The following KATNIP variants were observed in gnomAD, a reference collection of about 807,000 sequenced individuals.
The protein encoded by KATNIP is katanin interacting protein.
In KATNIP, 126 loss-of-function variants were observed where a neutral mutation model predicts 174.0. The ratio of observed to expected loss-of-function variants is 0.72; its 90% CI spans 0.63 to 0.84. The LOEUF (loss-of-function observed/expected upper bound fraction) is 0.84. Among genes scored for constraint, KATNIP ranks in the 40% least tolerant of loss-of-function variants. The pLI is 0.00. For synonymous variants in KATNIP, 810 were observed against 835.7 expected, an observed-to-expected ratio of 0.97 and a Z score of 0.53; for missense variants, 1,958 against 2,109.7, an observed-to-expected ratio of 0.93 and a Z score of 1.41.
At chr16:27,739,980 A>G (rs1209095503) in intron 14 of KATNIP, 61 bp from the exon 15 acceptor site, 1 of 1,528,760 alleles carries the variant, frequency 6.5e-7, no homozygotes, top group Non-Finnish European at 8.8e-7. Flanking sequence ...TTCGACTTCC[A>G]AAATTTCATA....
intron 8 of KATNIP, among the ~76,000 whole-genome samples, chr16:27,685,110 G>A (rs183941619): frequency 4.2e-4 from 64 of 152,298 alleles, no homozygotes; most frequent in Admixed American, 9.2e-4. Context: ...GAGGAGGCCA[G>A]GCGCAGTGGG....
At chr16:27,681,683 A>G (rs1304738323) in intron 8 of KATNIP, among the ~76,000 whole-genome samples, 153 bp downstream of exon 8, 1 of 152,266 alleles carries the variant, frequency 6.6e-6, no homozygotes, top group East Asian at 1.9e-4. Context: ...GCAGAGGAAC[A>G]GAATGAAAAG....
chr16:27,641,433 TGGG>T (rs917482550), intron 5 of KATNIP, among the ~76,000 whole-genome samples: 1 of 151,910 alleles, frequency 6.6e-6, no homozygotes, highest in African/African-American at 2.4e-5. Flanking sequence ...ACCCAATCAC[TGGG>T]GGGACAGGGG....
chr16:27,636,702 G>A (rs894100639), intron 5 of KATNIP, among the ~76,000 whole-genome samples: 6 of 151,982 alleles, frequency 3.9e-5, no homozygotes, highest in South Asian at 2.1e-4. Context: ...TGTGTGTCTC[G>A]GAGCTGGCTG....
rs958229591 is a variant in KATNIP, at chr16:27,778,060, C to A, written c.4801+91C>A. 6.4e-6 allele frequency: 7 copies of A among 1,097,586 alleles called. No individual in the cohort carries two copies. The African/African-American group carries it at 9.3e-5, about 15-fold the overall frequency. 68.0% of individuals were successfully genotyped at this position (1,097,586 alleles called of 1,614,324 possible). On this transcript the variant is annotated intron_variant, in intron 27 of 27. Transcript: ENST00000261588. ...GGTGGCCTTGCACCCCCACCCTCAC[C>A]CCTGCCTGCCCCTAGACCGCTCTCC...
At chr16:27,755,430 G>T in intron 18 of KATNIP, 1 of 152,392 alleles carries the variant, frequency 6.6e-6, no homozygotes, top group Non-Finnish European at 1.5e-5. Context: ...GGGAAGGGTA[G>T]GAGGCAGGAT....
chr16:27,708,721 G>A lies in KATNIP; in HGVS notation c.1406G>A (p.Arg469Lys), dbSNP rs1290549596. The A allele has an allele frequency of 1.2e-6, 2 of 1,613,260 alleles. No homozygotes were observed. Among genetic ancestry groups the A allele is most frequent in the African/African-American group, 2.7e-5 (2 of 74,862 alleles). ...VSDTEDKQRM[R>K]ADEIKDAIYV... is the part of the protein sequence containing the mutation. ...TTCTTTAAGGACAAACAGAGAATGAGGGCAGACGAGATCAAAGATGCCATC... is the reference window on the plus strand; with the variant it reads ...TTCTTTAAGGACAAACAGAGAATGAAGGCAGACGAGATCAAAGATGCCATC... Residue 469 changes from arginine to lysine, a missense_variant, in exon 13 of 28, where the codon AGG becomes AAG. By Grantham distance (26) the Arg-to-Lys change is conservative (BLOSUM62 2). Transcript: ENST00000261588.
chr16:27,693,397 C>CT (rs993993155), intron 8 of KATNIP, among the ~76,000 whole-genome samples: 6 of 151,132 alleles, frequency 4.0e-5, no homozygotes, highest in South Asian at 2.1e-4. Context: ...TTTTTCTTTT[C>CT]TTTTTTTTTG....
intron 2 of KATNIP, 164 bp downstream of exon 2, chr16:27,574,120 T>G (rs912500981): frequency 9.8e-6 from 6 of 613,770 alleles, no homozygotes; most frequent in Non-Finnish European, 1.7e-5. Flanking sequence ...ACCAACCCAG[T>G]GTCACTTGTA....
At chr16:27,706,346 C>T (rs2142997827) in intron 12 of KATNIP, among the ~76,000 whole-genome samples, 1 of 152,350 alleles carries the variant, frequency 6.6e-6, no homozygotes, top group Admixed American at 6.5e-5. Flanking sequence ...TGAGCTGCTC[C>T]CTTCTGGCAG....
In KATNIP at chr16:27,749,891, G is replaced by A; in HGVS notation, c.2931G>A (p.Leu977=). The A allele has an allele frequency of 6.2e-7, 1 of 1,614,196 alleles. No homozygotes were observed. Among genetic ancestry groups the A allele is most frequent in the Non-Finnish European group, 8.5e-7 (1 of 1,180,030 alleles). ...KIPVLPYGQR[L]VIDIKSTWGD... The stretch of plus-strand genomic sequence containing the variant: ...CCGTCTTGCCTTATGGACAGCGCTT[G>A]GTCATTGACATCAAGTCTACCTGGG... Residue 977 remains leucine (L), a synonymous_variant, in exon 16 of 28, where the codon TTG becomes TTA. Coordinates refer to ENST00000261588, the MANE Select transcript of KATNIP (RefSeq NM_015202.5).
chr16:27,760,313 C>T (rs2081904405), intron 18 of KATNIP, among the ~76,000 whole-genome samples: 1 of 152,148 alleles, frequency 6.6e-6, no homozygotes, highest in African/African-American at 2.4e-5. Flanking sequence ...TGTGTTTGGT[C>T]TTGCTCTAAT....
chr16:27,773,308 C>T (rs1186048772), intron 23 of KATNIP, 99 bp downstream of exon 23: 21 of 774,716 alleles, frequency 2.7e-5, no homozygotes, highest in African/African-American at 7.0e-5. Flanking sequence ...GGAAATGGCC[C>T]TCTAGGAACC....
At chr16:27,693,049 GACCT>G (rs1198006811) in intron 8 of KATNIP, among the ~76,000 whole-genome samples, 1 of 151,164 alleles carries the variant, frequency 6.6e-6, no homozygotes, top group African/African-American at 2.4e-5. Flanking sequence ...GCTATTTCAG[GACCT>G]GATCCTTTTT....
At chr16:27,638,316 G>A (rs999224525) in intron 5 of KATNIP, among the ~76,000 whole-genome samples, 3 of 152,164 alleles carry the variant, frequency 2.0e-5, no homozygotes, top group Admixed American at 6.5e-5. Context: ...ATAGACTGGG[G>A]GTGCCAGCTA....
At chr16:27,575,732 C>T (rs935570141) in intron 2 of KATNIP, among the ~76,000 whole-genome samples, 1 of 152,156 alleles carries the variant, frequency 6.6e-6, no homozygotes, top group Non-Finnish European at 1.5e-5. Context: ...TTTCCTTCAT[C>T]AGCTGTAACC....
At chr16:27,722,505 C>T (rs1227652018) in intron 14 of KATNIP, 2 of 152,252 alleles carry the variant, frequency 1.3e-5, no homozygotes, top group Non-Finnish European at 2.9e-5. Flanking sequence ...TTCATGCACT[C>T]ATAGTTCTAT....
intron 3 of KATNIP, among the ~76,000 whole-genome samples, chr16:27,623,148 C>G (rs2076242846): frequency 6.6e-6 from 1 of 152,206 alleles, no homozygotes; most frequent in Non-Finnish European, 1.5e-5. Context: ...AGTGCTCTCT[C>G]CTCTGACCTC....
At chr16:27,706,358 C>A (rs776068488) in intron 12 of KATNIP, among the ~76,000 whole-genome samples, 1 of 152,186 alleles carries the variant, frequency 6.6e-6, no homozygotes, top group Non-Finnish European at 1.5e-5. Flanking sequence ...TTCTGGCAGC[C>A]GAGGGGACAG....
Sources: allele counts gnomAD v4.1 joint callset (sites outside exome capture counted in the v4.1 genomes callset), GRCh38; gene constraint gnomAD v4.1.1; transcripts MANE v1.5; gene names NCBI Gene and HGNC (gene_info 2026-07-23, HGNC 2026-07-21).